Variants in CREBBP observed in about 807,000 individuals in gnomAD.
The protein encoded by CREBBP is CREB-binding protein.
Under a neutral mutation model 265.0 loss-of-function variants are expected in CREBBP, and 19 were observed. The observed-to-expected ratio is 0.07, with a 90% CI of 0.05 to 0.11. CREBBP has a LOEUF of 0.11. CREBBP is among the 10% of genes least tolerant of loss of function. The pLI, the probability that CREBBP is intolerant of heterozygous loss-of-function variation, is 1.00. For synonymous variants in CREBBP, 1,457 were observed against 1,223.7 expected (o/e 1.19, Z -3.98); for missense variants, 2,525 against 3,219.0 (o/e 0.78, Z 5.22).
chr16:3,731,168 G>T lies in CREBBP; in HGVS notation c.5172+24C>A. On this transcript the variant is annotated intron_variant, in intron 30 of 30. Transcript: ENST00000262367. The surrounding 1 kb of genome is among the most constrained non-coding windows in gnomAD (Gnocchi z 7.7). Reference sequence around the variant, plus strand: ...CGTCAGACCCCAGGCCGGCTGTGGGGGTGGGGGTGGGGGCAGGGCCTACCT... The same window carrying T: ...CGTCAGACCCCAGGCCGGCTGTGGGTGTGGGGGTGGGGGCAGGGCCTACCT... 1.9e-6 allele frequency: 3 copies of T among 1,603,126 alleles called. No individual in the cohort carries two copies. The highest frequency in any genetic ancestry group is 2.6e-6 in the Non-Finnish European group (3 of 1,173,240).
intron 5 of CREBBP, among the ~76,000 whole-genome samples, chr16:3,786,006 G>A (rs1453765800): frequency 1.3e-5 from 2 of 152,180 alleles, no homozygotes; most frequent in African/African-American, 4.8e-5. Flanking sequence ...TTTATAGCAG[G>A]CTCTTTCTCG....
At chr16:3,810,038 T>C (rs528516733) in intron 3 of CREBBP, among the ~76,000 whole-genome samples, 44 of 152,264 alleles carry the variant, frequency 2.9e-4, no homozygotes, top group African/African-American at 9.6e-4. Flanking sequence ...AGGAGATATT[T>C]TCCCATTAAT....
At chr16:3,863,963 G>A (rs1048703972) in intron 1 of CREBBP, among the ~76,000 whole-genome samples, 1 of 152,216 alleles carries the variant, frequency 6.6e-6, no homozygotes, top group Non-Finnish European at 1.5e-5. Flanking sequence ...AGGGGCACCA[G>A]ACCCCGGAGA....
intron 15 of CREBBP, among the ~76,000 whole-genome samples, chr16:3,768,902 A>C (rs1014356730): frequency 6.6e-6 from 1 of 152,220 alleles, no homozygotes; most frequent in Admixed American, 6.5e-5. Context: ...TGAATGGAGA[A>C]CATAAAATAA....
At chr16:3,763,685 A>G (rs1021962029) in intron 16 of CREBBP, among the ~76,000 whole-genome samples, 1 of 152,034 alleles carries the variant, frequency 6.6e-6, no homozygotes, top group Non-Finnish European at 1.5e-5. Context: ...GCTGGTCTGG[A>G]ACTCCTGACC....
intron 14 of CREBBP, 130 bp from the exon 15 acceptor site, chr16:3,769,483 G>A: frequency 8.9e-7 from 1 of 1,124,714 alleles, no homozygotes; most frequent in Non-Finnish European, 1.3e-6. Flanking sequence ...GCCCTTCTGT[G>A]AAACCGAAGA....
intron 20 of CREBBP, among the ~76,000 whole-genome samples, chr16:3,751,402 C>A (rs777156562): frequency 5.3e-5 from 8 of 152,146 alleles, no homozygotes; most frequent in Admixed American, 1.3e-4. Context: ...CTAGCCTGGG[C>A]AACATGGCGA....
At chr16:3,833,695 G>C (rs553247556) in intron 2 of CREBBP, among the ~76,000 whole-genome samples, 1 of 152,042 alleles carries the variant, frequency 6.6e-6, no homozygotes, top group Non-Finnish European at 1.5e-5. Context: ...AAATGAAAAC[G>C]AGAAACTAAG....
chr16:3,870,685 T>C (rs953965481), intron 1 of CREBBP, among the ~76,000 whole-genome samples: 2 of 152,206 alleles, frequency 1.3e-5, no homozygotes, highest in East Asian at 3.8e-4. Flanking sequence ...GCTTCCCATG[T>C]ATTCAGTGAG....
chr16:3,745,370 G>A lies in CREBBP; in HGVS notation c.3837-16C>T, dbSNP rs2151356083. 1 of 1,613,246 alleles carries A rather than the reference G, an allele frequency of 6.2e-7. No individual in the cohort carries two copies. Among genetic ancestry groups the A allele is most frequent in the African/African-American group, 1.3e-5 (1 of 74,980 alleles). On this transcript the variant is annotated splice_polypyrimidine_tract_variant and intron_variant, in intron 21 of 30. Coordinates refer to ENST00000262367, the MANE Select transcript of CREBBP (RefSeq NM_004380.3). ...ATCAACGAAACTAGGAGGCAAAGAA[G>A]GCGCACTGTTAAAGCACACGGAACC...
chr16:3,876,470 A>AT (rs1567383015), intron 1 of CREBBP, among the ~76,000 whole-genome samples: 1 of 149,580 alleles, frequency 6.7e-6, no homozygotes, highest in Non-Finnish European at 1.5e-5. Flanking sequence ...TTGCCTGGAT[A>AT]TTTGTCTTAT....
At chr16:3,857,087 A>C (rs1203656784) in intron 1 of CREBBP, among the ~76,000 whole-genome samples, 1 of 152,150 alleles carries the variant, frequency 6.6e-6, no homozygotes, top group African/African-American at 2.4e-5. Flanking sequence ...CCAGAGTTAA[A>C]AACTTCACCC....
intron 2 of CREBBP, among the ~76,000 whole-genome samples, chr16:3,822,399 T>C (rs1416138510): frequency 6.6e-6 from 1 of 152,148 alleles, no homozygotes; most frequent in Non-Finnish European, 1.5e-5. Context: ...ACTGACTATT[T>C]CTAGTAAAAT....
chr16:3,792,107 AAAC>A lies in CREBBP; in HGVS notation c.1217-16_1217-14del, dbSNP rs1291536702. The stretch of plus-strand genomic sequence containing the variant: ...GCACAATGGGCAACTATGACCAGAA[AAAC>A]AACGAGATGTTATTTTTCTATCCAA... On this transcript the variant is annotated splice_polypyrimidine_tract_variant and intron_variant, in intron 4 of 30. Transcript: ENST00000262367. 1.6e-5 allele frequency: 25 copies of A among 1,583,928 alleles called. No homozygotes were observed. The highest frequency in any genetic ancestry group is 3.3e-4 in the Middle Eastern group (2 of 6,044).
rs1052723403 is a variant in CREBBP, at chr16:3,728,921, C to A, written c.6126G>T (p.Met2042Ile). The change falls in exon 31 of 31, where the codon ATG becomes ATT. Residue 2042 changes from methionine (M) to isoleucine (I), a missense_variant. Met to Ile is a conservative substitution (Grantham distance 10). Coordinates refer to ENST00000262367, the MANE Select transcript of CREBBP (RefSeq NM_004380.3). This position sits in a 1 kb window ranked among gnomAD's most constrained non-coding sequence, Gnocchi z 8.7. ...GCCCAGCCACGGCCGCCTGGGCCTG[C>A]ATGGATATCACAGGCCTGGGCAAGC... is the stretch of plus-strand genomic sequence containing the variant. ...MPGLPRPVIS[M>I]QAQAAVAGPR... is the part of the protein sequence containing the mutation. 1.9e-6 allele frequency: 3 copies of A among 1,605,400 alleles called. No individual in the cohort carries two copies. The highest frequency in any genetic ancestry group is 1.7e-5 in the Admixed American group (1 of 59,568).
At chr16:3,792,650 C>T (rs748632603) in intron 4 of CREBBP, among the ~76,000 whole-genome samples, 1 of 152,218 alleles carries the variant, frequency 6.6e-6, no homozygotes, top group Non-Finnish European at 1.5e-5. Context: ...AACAGGGTTA[C>T]TCTGGGGACT....
chr16:3,777,736 C>A (rs2053178650), intron 10 of CREBBP, 79 bp from the exon 11 acceptor site: 3 of 1,526,774 alleles, frequency 2.0e-6, no homozygotes, highest in Non-Finnish European at 2.7e-6. Flanking sequence ...TAGGAAATTT[C>A]TTATTAGGAC....
At chr16:3,832,378 CAG>C (rs1188605124) in intron 2 of CREBBP, among the ~76,000 whole-genome samples, 2 of 152,076 alleles carry the variant, frequency 1.3e-5, no homozygotes, top group African/African-American at 4.8e-5. Context: ...TCCAAAAAAA[CAG>C]AAAGTTATAG....
intron 2 of CREBBP, among the ~76,000 whole-genome samples, chr16:3,824,645 T>C (rs2054204088): frequency 6.6e-6 from 1 of 152,076 alleles, no homozygotes; most frequent in African/African-American, 2.4e-5. Context: ...GCCACTCCCA[T>C]CCCCACACGC....
Sources: gnomAD v4.1 joint callset for allele counts (sites outside exome capture counted in the v4.1 genomes callset) on GRCh38, gnomAD v4.1.1 for gene constraint, Gnocchi (gnomAD v3.1) non-coding constraint, MANE v1.5 for transcripts, NCBI Gene and HGNC (gene_info 2026-07-23, HGNC 2026-07-21) for gene names.